MED4: variants seen among roughly 807,000 people sequenced by gnomAD.
The protein encoded by MED4 is mediator of RNA polymerase II transcription subunit 4.
In MED4, 21 loss-of-function variants were observed where a neutral mutation model predicts 35.0. That is an observed-to-expected ratio of 0.60 (90% CI 0.43 to 0.86). The LOEUF (loss-of-function observed/expected upper bound fraction) is 0.86. MED4 is among the 40% of genes least tolerant of loss of function. The pLI is 0.00. For synonymous variants in MED4, 138 were observed against 114.0 expected (o/e 1.21, Z -1.34); for missense variants, 300 against 319.4 (o/e 0.94, Z 0.46).
At chr13:48,081,414 T>C (rs1284672132) in intron 5 of MED4, among the ~76,000 whole-genome samples, 1 of 152,214 alleles carries the variant, frequency 6.6e-6, no homozygotes, top group East Asian at 1.9e-4. Flanking sequence ...TATCAATTTA[T>C]TATTTCAAAA....
chr13:48,095,057 C>T lies in MED4; in HGVS notation c.22G>A (p.Glu8Lys). The part of the protein sequence containing the change: MAASSSG[E>K]KEKERLGGGL... ...CCTCCCAGCCGCTCCTTCTCCTTCT[C>T]ACCACTCGAAGACGCAGCCATTTTC... The change falls in exon 1 of 7, where the codon GAG becomes AAG. Residue 8 changes from glutamate to lysine, a missense_variant. Physicochemically the swap from Glu to Lys is moderately conservative, Grantham distance 56. Transcript: ENST00000258648. 1 of 1,605,288 alleles carries T rather than the reference C, an allele frequency of 6.2e-7. No individual in the cohort carries two copies. The highest frequency in any genetic ancestry group is 1.1e-5 in the South Asian group (1 of 91,090).
chr13:48,083,579 C>G, intron 3 of MED4, 151 bp from the exon 4 acceptor site: 1 of 568,622 alleles, frequency 1.8e-6, no homozygotes, highest in Non-Finnish European at 3.1e-6. Context: ...TGAAATACCA[C>G]TTGACATTAT....
intron 2 of MED4, among the ~76,000 whole-genome samples, chr13:48,087,373 A>G (rs1950856875): frequency 6.6e-6 from 1 of 152,074 alleles, no homozygotes; most frequent in Admixed American, 6.6e-5. Flanking sequence ...GCAAATATAT[A>G]TATGTATATA....
rs1360376913 is a variant in MED4, at chr13:48,095,077, ATTTTCCCC to A, written c.-7_1del. On this transcript the variant is annotated start_lost and 5_prime_UTR_variant, in exon 1 of 7. Transcript: ENST00000258648. ...CTTCTCACCACTCGAAGACGCAGCCATTTTCCCCAGAGTCCCGCCACCGGCGCACGCGC... is the reference window on the plus strand; with the variant it reads ...CTTCTCACCACTCGAAGACGCAGCCAAGAGTCCCGCCACCGGCGCACGCGC... 1.2e-6 allele frequency: 2 copies of A among 1,602,950 alleles called. No homozygotes were observed. Among genetic ancestry groups the A allele is most frequent in the African/African-American group, 2.7e-5 (2 of 74,906 alleles).
At chr13:48,078,053 CAA>C (rs1029648727) in intron 6 of MED4, among the ~76,000 whole-genome samples, 11 of 151,968 alleles carry the variant, frequency 7.2e-5, no homozygotes, top group Admixed American at 2.6e-4. Flanking sequence ...TGACTCTCAT[CAA>C]AGAGAGGTTG....
chr13:48,090,351 C>A lies in MED4; in HGVS notation c.192+1G>T. 1 of 1,574,120 alleles carries A rather than the reference C, an allele frequency of 6.4e-7. No homozygotes were observed. The highest frequency in any genetic ancestry group is 1.4e-5 in the African/African-American group (1 of 72,348). On this transcript the variant is annotated splice_donor_variant, in intron 2 of 6. Coordinates refer to ENST00000258648, the MANE Select transcript of MED4 (RefSeq NM_014166.4). LOFTEE classifies it high-confidence loss of function. ...AACTAATTTAAAAAGAAGCCACTTA[C>A]CTGGTTTTCCTCTCCAGCCTGTAAC...
At position 48,083,429 on chromosome 13, in the gene MED4, CTAATT is replaced by C. The variant is rs1275387235; in HGVS notation, c.364-6_364-2del. ...CCTTCGCTTGGTAAACAGCTGTTGC[CTAATT>C]TAAACAACATTTAAAAAACGTGGTT... On this transcript the variant is annotated splice_acceptor_variant and splice_polypyrimidine_tract_variant and intron_variant, in intron 3 of 6. Transcript: ENST00000258648. LOFTEE classifies it high-confidence loss of function. 1.9e-6 allele frequency: 3 copies of C among 1,609,694 alleles called. No homozygotes were observed. The Admixed American group carries it at 5.1e-5, about 27-fold the overall frequency.
chr13:48,086,502 C>A (rs1201120259), intron 2 of MED4, 50 bp from the exon 3 acceptor site: 4 of 1,523,024 alleles, frequency 2.6e-6, no homozygotes, highest in Non-Finnish European at 2.7e-6. Flanking sequence ...TGAAAGGCTG[C>A]ATTCCAATGA....
At chr13:48,091,565 C>T (rs1190996594) in intron 1 of MED4, among the ~76,000 whole-genome samples, 1 of 152,096 alleles carries the variant, frequency 6.6e-6, no homozygotes, top group Non-Finnish European at 1.5e-5. Flanking sequence ...TTCCCCATAC[C>T]ATTATTTATG....
At chr13:48,085,911 A>G (rs1309142585) in intron 3 of MED4, among the ~76,000 whole-genome samples, 1 of 152,084 alleles carries the variant, frequency 6.6e-6, no homozygotes, top group Admixed American at 6.5e-5. Flanking sequence ...AAAAAATGAA[A>G]AATTTCCCTG....
intron 5 of MED4, 31 bp downstream of exon 5, chr13:48,081,614 A>T: frequency 1.3e-6 from 2 of 1,496,630 alleles, no homozygotes; most frequent in Non-Finnish European, 1.8e-6. Context: ...AAAACCACAT[A>T]TATCTAGTAT....
At chr13:48,094,708 G>A (rs1165261244) in intron 1 of MED4, among the ~76,000 whole-genome samples, 1 of 152,102 alleles carries the variant, frequency 6.6e-6, no homozygotes, top group Non-Finnish European at 1.5e-5. Context: ...TAAGTGGCTG[G>A]CCGCGGACGA....
chr13:48,085,232 C>T (rs1211193485), intron 3 of MED4, among the ~76,000 whole-genome samples: 1 of 147,000 alleles, frequency 6.8e-6, no homozygotes, highest in Non-Finnish European at 1.5e-5. Flanking sequence ...AATACAATAG[C>T]GCAATCTCAG....
intron 5 of MED4, 99 bp from the exon 6 acceptor site, chr13:48,080,074 G>A (rs2137828638): frequency 1.5e-6 from 2 of 1,353,336 alleles, no homozygotes; most frequent in Non-Finnish European, 2.0e-6. Flanking sequence ...ATGCTGAAAA[G>A]TTCAGGCTAC....
intron 3 of MED4, among the ~76,000 whole-genome samples, chr13:48,085,012 G>A (rs9534952): frequency 0.41 from 61,621 of 151,192 alleles, 14,947 homozygotes; most frequent in East Asian, 0.54. Flanking sequence ...GATTACAGGC[G>A]TGAATCACCA....
chr13:48,091,510 T>C (rs1482582889), intron 1 of MED4, among the ~76,000 whole-genome samples: 4 of 152,196 alleles, frequency 2.6e-5, no homozygotes, highest in Non-Finnish European at 5.9e-5. Context: ...CATCATATCA[T>C]TTTTCTGGAT....
chr13:48,085,204 C>A (rs951120836), intron 3 of MED4, among the ~76,000 whole-genome samples: 1 of 143,044 alleles, frequency 7.0e-6, no homozygotes, highest in South Asian at 2.2e-4. Context: ...GAGAGTCTTG[C>A]ACTGTTGCCT....
rs1422093681 is a variant in MED4 at position 48,079,910 on chromosome 13, T to G, written c.574A>C (p.Asn192His). 3 of 1,614,006 alleles carry G rather than the reference T, an allele frequency of 1.9e-6. No homozygotes were observed. Among genetic ancestry groups the G allele is most frequent in the East Asian group, 4.5e-5 (2 of 44,886 alleles). The change falls in exon 6 of 7, where the codon AAT (asparagine) becomes CAT (histidine). Residue 192 changes from asparagine to histidine, a missense_variant. Asn to His is a moderately conservative substitution (Grantham distance 68, BLOSUM62 1). Coordinates refer to ENST00000258648, the MANE Select transcript of MED4 (RefSeq NM_014166.4). ...CCATTCACGCCATTAGTGGAAGGATTGTTCATCTGACCCAGTAACCCACTT... is the reference window on the plus strand; with the variant it reads ...CCATTCACGCCATTAGTGGAAGGATGGTTCATCTGACCCAGTAACCCACTT... Reference protein sequence around the residue: ...MRSGLLGQMNNPSTNGVNGHL... With the variant: ...MRSGLLGQMNHPSTNGVNGHL...
At chr13:48,091,280 G>C (rs184028426) in intron 1 of MED4, among the ~76,000 whole-genome samples, 5 of 152,092 alleles carry the variant, frequency 3.3e-5, no homozygotes, top group Non-Finnish European at 5.9e-5. Context: ...ATGAAAATTA[G>C]TATCTGATGA....
Sources: allele counts gnomAD v4.1 joint callset (sites outside exome capture counted in the v4.1 genomes callset), GRCh38; gene constraint gnomAD v4.1.1; transcripts MANE v1.5; gene names NCBI Gene and HGNC (gene_info 2026-07-23, HGNC 2026-07-21).